CTNNBL1: variants seen among roughly 807,000 people sequenced by gnomAD.
The protein encoded by CTNNBL1 is beta-catenin-like protein 1.
CTNNBL1 carries 31 observed loss-of-function variants against 72.7 expected under a neutral mutation model. The observed-to-expected ratio is 0.43, with a 90% CI of 0.32 to 0.58. The LOEUF is 0.58. Ranked by LOEUF, CTNNBL1 falls within the 20% of genes least tolerant of loss-of-function variation. The pLI is 0.08. For synonymous variants in CTNNBL1, 240 were observed against 267.3 expected (o/e 0.90, Z 1.00); for missense variants, 534 against 725.1 (o/e 0.74, Z 3.03).
intron 5 of CTNNBL1, among the ~76,000 whole-genome samples, chr20:37,759,986 G>A (rs1376821803): frequency 2.0e-5 from 3 of 152,164 alleles, no homozygotes; most frequent in Admixed American, 1.3e-4. Context: ...TTATTGCTTT[G>A]GTCTTTTTCC....
At chr20:37,786,906 T>C (rs1908112830) in intron 10 of CTNNBL1, among the ~76,000 whole-genome samples, 1 of 152,188 alleles carries the variant, frequency 6.6e-6, no homozygotes, top group African/African-American at 2.4e-5. Flanking sequence ...AGATTTTGTT[T>C]GTGGCCTTAT....
At chr20:37,729,079 A>G (rs1600449016) in intron 1 of CTNNBL1, among the ~76,000 whole-genome samples, 1 of 152,216 alleles carries the variant, frequency 6.6e-6, no homozygotes, top group African/African-American at 2.4e-5. Context: ...TGTTGAATTA[A>G]TGATTTAAAA....
intron 11 of CTNNBL1, among the ~76,000 whole-genome samples, chr20:37,828,839 T>A (rs2072183451): frequency 3.3e-5 from 5 of 152,204 alleles, no homozygotes; most frequent in Admixed American, 3.3e-4. Flanking sequence ...TGCGTGACTC[T>A]TCTTGGGTTG....
In CTNNBL1 at chr20:37,746,525, C is replaced by A. The variant is rs1175588457; in HGVS notation, c.384C>A (p.Ala128=). 1.2e-6 allele frequency: 2 copies of A among 1,613,998 alleles called. No homozygotes were observed. Among genetic ancestry groups the A allele is most frequent in the Admixed American group, 3.3e-5 (2 of 60,004 alleles). The change falls in exon 4 of 16, where the codon GCC becomes GCA. Residue 128 remains alanine (A), a synonymous_variant. Coordinates refer to ENST00000361383, the MANE Select transcript of CTNNBL1 (RefSeq NM_030877.5). The stretch of plus-strand genomic sequence containing the variant: ...TCATTCAGGAGATGCACGTGGTGGC[C>A]ACCATGCCAGACCTGTACCACCTTC... ...NDIIQEMHVV[A]TMPDLYHLLV...
At chr20:37,795,495 A>C (rs148792740) in intron 10 of CTNNBL1, among the ~76,000 whole-genome samples, 2 of 152,184 alleles carry the variant, frequency 1.3e-5, no homozygotes, top group East Asian at 3.9e-4. Context: ...GGCTATTTGA[A>C]ATTTTCCAAC....
chr20:37,832,845 A>C (rs1183727438), intron 11 of CTNNBL1, among the ~76,000 whole-genome samples: 1 of 151,430 alleles, frequency 6.6e-6, no homozygotes, highest in Non-Finnish European at 1.5e-5. Flanking sequence ...CCCATTCTTC[A>C]CAAAAATGGT....
At chr20:37,833,264 C>A (rs1425115940) in intron 11 of CTNNBL1, among the ~76,000 whole-genome samples, 1 of 152,210 alleles carries the variant, frequency 6.6e-6, no homozygotes, top group Non-Finnish European at 1.5e-5. Context: ...ACTTTTAGCC[C>A]TCTCACATAG....
At chr20:37,871,402 C>T (rs767198146) in intron 15 of CTNNBL1, among the ~76,000 whole-genome samples, 14 of 152,244 alleles carry the variant, frequency 9.2e-5, no homozygotes, top group South Asian at 2.1e-4. Flanking sequence ...GAGCACTGCC[C>T]CAACCTTTGG....
At chr20:37,739,976 G>T (rs555874019) in intron 3 of CTNNBL1, among the ~76,000 whole-genome samples, 1 of 152,024 alleles carries the variant, frequency 6.6e-6, no homozygotes, top group East Asian at 1.9e-4. Context: ...TCCTTCGCCC[G>T]CTTGGTAGAT....
At chr20:37,818,530 C>G (rs994968480) in intron 11 of CTNNBL1, among the ~76,000 whole-genome samples, 4 of 152,198 alleles carry the variant, frequency 2.6e-5, no homozygotes, top group African/African-American at 4.8e-5. Context: ...GACCTAAAAG[C>G]TCAGTGAGCC....
intron 4 of CTNNBL1, among the ~76,000 whole-genome samples, chr20:37,755,535 G>A (rs183719265): frequency 1.3e-5 from 2 of 152,234 alleles, no homozygotes; most frequent in East Asian, 3.9e-4. Flanking sequence ...ACCTTTAAGA[G>A]TGAAGGAGTA....
At chr20:37,851,427 C>A (rs532626115) in intron 13 of CTNNBL1, among the ~76,000 whole-genome samples, 1 of 152,066 alleles carries the variant, frequency 6.6e-6, no homozygotes, top group South Asian at 2.1e-4. Flanking sequence ...AACTATAGGC[C>A]AAGAAGCTAG....
intron 11 of CTNNBL1, among the ~76,000 whole-genome samples, chr20:37,810,669 G>C (rs750524191): frequency 4.3e-4 from 66 of 152,176 alleles, no homozygotes; most frequent in Admixed American, 1.0e-3. Flanking sequence ...GAAGGCTTAA[G>C]AGATGAGATA....
At position 37,829,260 on chromosome 20, in the gene CTNNBL1, T is replaced by C. The variant is rs6021205; in HGVS notation, c.1214-10842T>C. ...TTCTGTGGAAACAAAGGCAGCTCTG[T>C]AGCATGGCCTTGAATTTTAAAGTGG... On this transcript the variant is annotated intron_variant, in intron 11 of 15. Transcript: ENST00000361383. Among the ~76,000 whole-genome samples, 888 of 152,330 alleles carry C rather than the reference T, an allele frequency of 5.8e-3. 10 individuals are homozygous for C. Among genetic ancestry groups the C allele is most frequent in the African/African-American group, 0.02 (851 of 41,564 alleles).
intron 1 of CTNNBL1, among the ~76,000 whole-genome samples, chr20:37,705,015 T>C (rs1018123690): frequency 1.3e-5 from 2 of 152,242 alleles, no homozygotes; most frequent in Non-Finnish European, 2.9e-5. Context: ...AGAGAAGTTT[T>C]CGTATATAAA....
chr20:37,782,380 GCACA>G (rs1286079479), intron 10 of CTNNBL1, among the ~76,000 whole-genome samples: 2 of 151,898 alleles, frequency 1.3e-5, no homozygotes, highest in South Asian at 2.1e-4. Context: ...ACACATATGT[GCACA>G]CACACACAAG....
chr20:37,855,131 C>T (rs935969706), intron 13 of CTNNBL1, among the ~76,000 whole-genome samples: 6 of 147,168 alleles, frequency 4.1e-5, no homozygotes, highest in African/African-American at 1.5e-4. Flanking sequence ...AAAGCCTCCC[C>T]TTACCCCTTT....
In CTNNBL1 at chr20:37,792,324, G is replaced by C. The variant is rs544039234; in HGVS notation, c.1032-10543G>C. ...ATTTTTTTTCCCTCTCTTTCTCTCT[G>C]TGTGTTTGTGCGTGTATTTGTGTGT... On this transcript the variant is annotated intron_variant, in intron 10 of 15. Transcript: ENST00000361383. Among the ~76,000 whole-genome samples, 3 of 151,594 alleles carry C rather than the reference G, an allele frequency of 2.0e-5. 1 individual carries two copies. Among genetic ancestry groups the C allele is most frequent in the South Asian group, 4.2e-4 (2 of 4,808 alleles).
intron 6 of CTNNBL1, 92 bp from the exon 7 acceptor site, chr20:37,767,861 G>A: frequency 1.0e-6 from 1 of 957,480 alleles, no homozygotes; most frequent in South Asian, 1.3e-5. Context: ...GGGAAGTGGG[G>A]AGAGGAATAA....
Sources: allele counts gnomAD v4.1 joint callset (sites outside exome capture counted in the v4.1 genomes callset), GRCh38; gene constraint gnomAD v4.1.1; transcripts MANE v1.5; gene names NCBI Gene and HGNC (gene_info 2026-07-23, HGNC 2026-07-21).